Variants in PTPRJ observed in about 807,000 individuals in gnomAD.
The protein encoded by PTPRJ is protein tyrosine phosphatase receptor type J, also known as receptor-type tyrosine-protein phosphatase eta.
In PTPRJ, 129 loss-of-function variants were observed where a neutral mutation model predicts 141.3. The ratio of observed to expected loss-of-function variants is 0.91; its 90% CI spans 0.79 to 1.06. The LOEUF (loss-of-function observed/expected upper bound fraction) is 1.06, where lower values mean the gene tolerates loss of function less well. Ranked by LOEUF, PTPRJ falls within the 50% of genes least tolerant of loss-of-function variation. The pLI, the probability that PTPRJ is intolerant of heterozygous loss-of-function variation, is 0.00. For synonymous variants in PTPRJ, 610 were observed against 640.5 expected (o/e 0.95, Z 0.72); for missense variants, 1,601 against 1,679.7 (o/e 0.95, Z 0.82).
chr11:48,039,464 G>GGTGTGTGTGTGTGT (rs67338648), intron 1 of PTPRJ, among the ~76,000 whole-genome samples: 3 of 146,432 alleles, frequency 2.0e-5, no homozygotes, highest in East Asian at 4.1e-4. Flanking sequence ...ACAACACTAT[G>GGTGTGTGTGTGTGT]GTGTGTGTGT....
intron 1 of PTPRJ, among the ~76,000 whole-genome samples, chr11:47,981,843 C>G (rs2134168703): frequency 6.6e-6 from 1 of 152,312 alleles, no homozygotes; most frequent in Non-Finnish European, 1.5e-5. Flanking sequence ...AGTGAAATAG[C>G]GGAGCACCCA....
chr11:48,102,583 A>AT (rs1230087227), intron 1 of PTPRJ, among the ~76,000 whole-genome samples: 8 of 151,242 alleles, frequency 5.3e-5, no homozygotes, highest in African/African-American at 9.7e-5. Flanking sequence ...TTGTATATAT[A>AT]TTTTTTTCAG....
At position 48,143,067 on chromosome 11, in the gene PTPRJ, G is replaced by GTTTAACTCA; in HGVS notation, c.2575+18_2575+19insTTAACTCAT. 1 of 1,613,706 alleles carries GTTTAACTCA rather than the reference G, an allele frequency of 6.2e-7. No individual in the cohort carries two copies. The highest frequency in any genetic ancestry group is 2.2e-5 in the East Asian group (1 of 44,878). On this transcript the variant is annotated intron_variant, in intron 12 of 24. Coordinates refer to ENST00000418331, the MANE Select transcript of PTPRJ (RefSeq NM_002843.4). ...CCGGGGAAGGTAAGGAGAGGCCTCC[G>GTTTAACTCA]TGGGTTAAACAGCCCATGAGTGATG... is the stretch of plus-strand genomic sequence containing the variant.
In PTPRJ at chr11:48,147,179, C is replaced by T. The variant is rs150110008; in HGVS notation, c.2999+216C>T. Among the ~76,000 whole-genome samples the T allele has an allele frequency of 1.9e-3, 295 of 152,282 alleles. 2 individuals carry two copies. Among genetic ancestry groups the T allele is most frequent in the African/African-American group, 6.5e-3 (270 of 41,560 alleles). ...GCTGTCACATCAGGCCACTGATAGA[C>T]GCCACAGTGTGGGATGCTACTTTCA... On this transcript the variant is annotated intron_variant, in intron 15 of 24. Transcript: ENST00000418331.
At chr11:48,025,894 C>T (rs1414021732) in intron 1 of PTPRJ, among the ~76,000 whole-genome samples, 2 of 152,206 alleles carry the variant, frequency 1.3e-5, no homozygotes, top group Non-Finnish European at 2.9e-5. Context: ...ACATGCTGCA[C>T]TTTCTTCCCT....
At chr11:48,157,717 G>A (rs1184460309) in intron 21 of PTPRJ, among the ~76,000 whole-genome samples, 1 of 152,234 alleles carries the variant, frequency 6.6e-6, no homozygotes, top group African/African-American at 2.4e-5. Context: ...CTGTGCTAGG[G>A]GCTGAGGATG....
intron 1 of PTPRJ, among the ~76,000 whole-genome samples, chr11:47,989,085 G>A (rs1335312588): frequency 2.0e-5 from 3 of 150,156 alleles, no homozygotes; most frequent in African/African-American, 4.9e-5. Flanking sequence ...AGGTTTCACC[G>A]TGTTAGCCAG....
At chr11:48,155,669 G>A in intron 19 of PTPRJ, 132 bp from the exon 20 acceptor site, 1 of 700,136 alleles carries the variant, frequency 1.4e-6, no homozygotes, top group Non-Finnish European at 2.4e-6. Context: ...TATATGAAAT[G>A]CCACACTGTG....
intron 1 of PTPRJ, among the ~76,000 whole-genome samples, chr11:47,994,969 A>G (rs1247185803): frequency 6.6e-6 from 1 of 152,154 alleles, no homozygotes; most frequent in African/African-American, 2.4e-5. Context: ...AATGTATGGC[A>G]ATCTGTGAAG....
At chr11:48,129,879 C>T (rs1856929374) in intron 7 of PTPRJ, among the ~76,000 whole-genome samples, 1 of 152,088 alleles carries the variant, frequency 6.6e-6, no homozygotes, top group South Asian at 2.1e-4. Context: ...GTGCCCCACC[C>T]TTAAAGGACA....
intron 19 of PTPRJ, 27 bp from the exon 20 acceptor site, chr11:48,155,774 G>C (rs1857583855): frequency 2.6e-6 from 4 of 1,527,440 alleles, no homozygotes; most frequent in Non-Finnish European, 3.6e-6. Context: ...GCTTATAATG[G>C]GGACCTTTTT....
intron 1 of PTPRJ, among the ~76,000 whole-genome samples, chr11:48,042,748 G>A (rs1854299432): frequency 1.3e-5 from 2 of 148,922 alleles, no homozygotes; most frequent in Admixed American, 6.7e-5. Flanking sequence ...TTGCCTGTGT[G>A]TGTGTGTAGG....
In PTPRJ at chr11:48,061,671, C is replaced by T. The variant is rs75008648; in HGVS notation, c.97-48387C>T. 3.4e-3 allele frequency among the ~76,000 whole-genome samples: 521 copies of T among 152,300 alleles called. 5 individuals carry two copies. The highest frequency in any genetic ancestry group is 0.012 in the African/African-American group (502 of 41,558). Reference sequence around the variant, plus strand: ...ACCTCTCTGTTATGTACCTCTCACACAGGTGCGAGTCCCACCCCAGAGGGG... The same window carrying T: ...ACCTCTCTGTTATGTACCTCTCACATAGGTGCGAGTCCCACCCCAGAGGGG... On this transcript the variant is annotated intron_variant, in intron 1 of 24. Coordinates refer to ENST00000418331, the MANE Select transcript of PTPRJ (RefSeq NM_002843.4).
intron 1 of PTPRJ, among the ~76,000 whole-genome samples, chr11:48,069,727 AG>A (rs1855190864): frequency 6.6e-6 from 1 of 152,194 alleles, no homozygotes; most frequent in Non-Finnish European, 1.5e-5. Flanking sequence ...CTGGGATTAC[AG>A]GCCTCTGCGC....
chr11:48,038,219 A>T (rs1177472202), intron 1 of PTPRJ, among the ~76,000 whole-genome samples: 1 of 152,054 alleles, frequency 6.6e-6, no homozygotes, highest in Non-Finnish European at 1.5e-5. Flanking sequence ...TGCACGTAGT[A>T]AGTGCTCAGT....
At chr11:48,110,959 AT>A (rs1314020735) in intron 2 of PTPRJ, among the ~76,000 whole-genome samples, 2 of 152,286 alleles carry the variant, frequency 1.3e-5, no homozygotes, top group East Asian at 1.9e-4. Context: ...GTCCTTACTA[AT>A]TTTTTGGTCA....
intron 14 of PTPRJ, 96 bp from the exon 15 acceptor site, chr11:48,146,780 T>C (rs1288278093): frequency 1.1e-6 from 1 of 874,156 alleles, no homozygotes; most frequent in South Asian, 1.3e-5. Flanking sequence ...ATACACACTT[T>C]AACTCTCTGG....
At chr11:48,110,888 A>C (rs1252355780) in intron 2 of PTPRJ, among the ~76,000 whole-genome samples, 1 of 152,250 alleles carries the variant, frequency 6.6e-6, no homozygotes, top group African/African-American at 2.4e-5. Flanking sequence ...GGATATGACT[A>C]GAAGTTTTTT....
intron 1 of PTPRJ, among the ~76,000 whole-genome samples, chr11:48,022,636 T>A (rs1421301164): frequency 2.6e-5 from 4 of 152,040 alleles, no homozygotes; most frequent in African/African-American, 9.7e-5. Context: ...TGAAGAAGTT[T>A]GACTTGCACA....
Sources: gnomAD v4.1 joint callset for allele counts (sites outside exome capture counted in the v4.1 genomes callset) on GRCh38, gnomAD v4.1.1 for gene constraint, MANE v1.5 for transcripts, NCBI Gene and HGNC (gene_info 2026-07-23, HGNC 2026-07-21) for gene names.